The following AGBL2 variants were observed in gnomAD, a reference collection of about 807,000 sequenced individuals.
AGBL2 encodes AGBL carboxypeptidase 2, also known as cytosolic carboxypeptidase 2.
Under a neutral mutation model 103.0 loss-of-function variants are expected in AGBL2, and 87 were observed. The ratio of observed to expected loss-of-function variants is 0.84; its 90% confidence interval spans 0.71 to 1.01. The LOEUF is 1.01. AGBL2 is among the 50% of genes least tolerant of loss of function. The pLI, the probability that AGBL2 is intolerant of heterozygous loss-of-function variation, is 0.00. For synonymous variants in AGBL2, 335 were observed against 356.7 expected, an observed-to-expected ratio of 0.94 and a Z score of 0.69; for missense variants, 904 against 1,023.5, an observed-to-expected ratio of 0.88 and a Z score of 1.59.
At chr11:47,666,317 C>G (rs530271844) in intron 17 of AGBL2, among the ~76,000 whole-genome samples, 6 of 151,420 alleles carry the variant, frequency 4.0e-5, no homozygotes, top group Non-Finnish European at 8.8e-5. Context: ...TCACTTGAAC[C>G]CAAGAGGTGG....
chr11:47,679,579 A>G (rs1457244148), intron 13 of AGBL2, among the ~76,000 whole-genome samples: 1 of 152,068 alleles, frequency 6.6e-6, no homozygotes, highest in Non-Finnish European at 1.5e-5. Flanking sequence ...GAGGAAAATA[A>G]AGATTGCCTA....
chr11:47,706,523 A>T (rs2097520340), intron 4 of AGBL2, among the ~76,000 whole-genome samples: 1 of 152,014 alleles, frequency 6.6e-6, no homozygotes, highest in Non-Finnish European at 1.5e-5. Flanking sequence ...CTCAAAAAAA[A>T]AATAAATAAA....
chr11:47,677,406 GA>G lies in AGBL2; in HGVS notation c.2017-6del. 6.8e-7 allele frequency: 1 copy of G among 1,477,114 alleles called. No homozygotes were observed. Among genetic ancestry groups the G allele is most frequent in the Non-Finnish European group, 9.0e-7 (1 of 1,116,768 alleles). The allele number at this position is 1,477,114 out of a possible 1,614,324, so 91.5% of individuals were successfully genotyped here. On this transcript the variant is annotated splice_polypyrimidine_tract_variant and splice_region_variant and intron_variant, in intron 13 of 18. Coordinates refer to ENST00000525123, the MANE Select transcript of AGBL2 (RefSeq NM_024783.4). ...CTCTGCTAGACACTGAGTGAACTAT[GA>G]AAGTGAAAAAAAGAACTATTTTGTT...
intron 10 of AGBL2, among the ~76,000 whole-genome samples, chr11:47,689,624 T>C (rs2097437266): frequency 6.6e-6 from 1 of 152,130 alleles, no homozygotes; most frequent in Non-Finnish European, 1.5e-5. Flanking sequence ...AATTTCTGTA[T>C]CATACAACAT....
intron 12 of AGBL2, among the ~76,000 whole-genome samples, chr11:47,681,038 A>C (rs2097399352): frequency 6.6e-6 from 1 of 152,106 alleles, no homozygotes; most frequent in East Asian, 1.9e-4. Flanking sequence ...TTGCAGTAAA[A>C]GGAAAATGAG....
intron 7 of AGBL2, among the ~76,000 whole-genome samples, chr11:47,700,418 A>G (rs939954767): frequency 6.6e-6 from 1 of 151,874 alleles, no homozygotes; most frequent in African/African-American, 2.4e-5. Context: ...GCCTCTACTA[A>G]AAATACAAAA....
intron 12 of AGBL2, 62 bp downstream of exon 12, chr11:47,681,907 C>T: frequency 2.5e-6 from 4 of 1,583,508 alleles, no homozygotes; most frequent in Non-Finnish European, 3.4e-6. Context: ...ATTTTATCTC[C>T]CTGATGCTTT....
At chr11:47,678,338 A>ATTATTTTTTTT (rs1565026654) in intron 13 of AGBL2, among the ~76,000 whole-genome samples, 84 of 95,116 alleles carry the variant, frequency 8.8e-4, no homozygotes, top group East Asian at 1.3e-3. Context: ...TTATTTTATT[A>ATTATTTTTTTT]TTTTATTTTT....
intron 8 of AGBL2, among the ~76,000 whole-genome samples, chr11:47,698,966 CAAAAAAAA>C (rs5791781): frequency 3.7e-4 from 44 of 117,560 alleles, no homozygotes; most frequent in African/African-American, 1.4e-3. Flanking sequence ...GTAGGAATGG[CAAAAAAAA>C]AAAAAAAAAA....
At position 47,683,553 on chromosome 11, in the gene AGBL2, G is replaced by A. The variant is rs188041488; in HGVS notation, c.1789-1458C>T. On this transcript the variant is annotated intron_variant, in intron 11 of 18. Transcript: ENST00000525123. ...TGGGAGGCCGAGGTGGGTGGATCAT[G>A]AGGTCAGGAGATTGAGACCATCCTG... Among the ~76,000 whole-genome samples, 868 of 151,464 alleles carry A rather than the reference G, an allele frequency of 5.7e-3. 7 individuals carry two copies. Among genetic ancestry groups the A allele is most frequent in the Non-Finnish European group, 8.6e-3 (582 of 67,832 alleles).
chr11:47,661,161 T>C (rs1207483470), intron 18 of AGBL2, among the ~76,000 whole-genome samples: 6 of 151,576 alleles, frequency 4.0e-5, no homozygotes, highest in Admixed American at 4.0e-4. Context: ...AGACCCTGTC[T>C]CAAAAAAAAA....
intron 1 of AGBL2, 68 bp from the exon 2 acceptor site, chr11:47,714,818 T>C: frequency 1.5e-6 from 1 of 675,442 alleles, no homozygotes; most frequent in South Asian, 1.7e-5. Flanking sequence ...CAGCTCCCTC[T>C]TGACTTCAGA....
At position 47,682,001 on chromosome 11, in the gene AGBL2, G is replaced by A; in HGVS notation, c.1883C>T (p.Thr628Ile). ...GGACCCGCCAAAGGTAGACTCCATG[G>A]TGTAGCTGTTTAGGATTCCCATCCG... ...MWRMGILNSYTMESTFGGSTL... is the reference protein window; with the variant it reads ...MWRMGILNSYIMESTFGGSTL... The change falls in exon 12 of 19, where the codon ACC (threonine) becomes ATC (isoleucine). Residue 628 changes from threonine (T) to isoleucine (I), a missense_variant. By Grantham distance (89) the Thr-to-Ile change is moderately conservative. Coordinates refer to ENST00000525123, the MANE Select transcript of AGBL2 (RefSeq NM_024783.4). 1 of 1,614,118 alleles carries A rather than the reference G, an allele frequency of 6.2e-7. No homozygotes were observed. Among genetic ancestry groups the A allele is most frequent in the Non-Finnish European group, 8.5e-7 (1 of 1,180,022 alleles).
rs2153805198 is a variant in AGBL2, at chr11:47,704,873, G to C, written c.401-145C>G. 7.7e-6 allele frequency: 5 copies of C among 647,284 alleles called. No homozygotes were observed. The South Asian group carries it at 1.3e-4, about 17-fold the overall frequency. 40.1% of individuals were successfully genotyped at this position (647,284 alleles called of 1,614,324 possible). ...ATTCTCTGACATGTTTCTCCTTCAA[G>C]AAGATTTAGTCCAGAATAACAGGTT... is the stretch of plus-strand genomic sequence containing the variant. On this transcript the variant is annotated intron_variant, in intron 6 of 18. Transcript: ENST00000525123.
intron 17 of AGBL2, among the ~76,000 whole-genome samples, chr11:47,664,022 T>A (rs938280802): frequency 6.6e-6 from 1 of 151,280 alleles, no homozygotes; most frequent in Admixed American, 6.6e-5. Context: ...GCCTGGCTAA[T>A]TTTTATATTT....
chr11:47,680,327 G>A (rs904019125), intron 12 of AGBL2, among the ~76,000 whole-genome samples: 31 of 152,046 alleles, frequency 2.0e-4, no homozygotes, highest in African/African-American at 7.0e-4. Flanking sequence ...GGTGGTGGGC[G>A]CCTGTAGCCT....
intron 13 of AGBL2, among the ~76,000 whole-genome samples, chr11:47,679,486 T>C (rs930515096): frequency 6.6e-6 from 1 of 152,084 alleles, no homozygotes; most frequent in African/African-American, 2.4e-5. Flanking sequence ...TGGTGAATTA[T>C]GAGGTCTTAC....
At chr11:47,687,952 C>G (rs753932755) in intron 10 of AGBL2, among the ~76,000 whole-genome samples, 1 of 151,770 alleles carries the variant, frequency 6.6e-6, no homozygotes, top group Non-Finnish European at 1.5e-5. Context: ...GGATTACAGG[C>G]GTGCACCACC....
In AGBL2 at chr11:47,677,369, AAGC is replaced by A; in HGVS notation, c.2046_2048del (p.Glu682_Leu683delinsAsp). 4 of 1,609,664 alleles carry A rather than the reference AAGC, an allele frequency of 2.5e-6. No individual in the cohort carries two copies. The highest frequency in any genetic ancestry group is 3.4e-6 in the Non-Finnish European group (4 of 1,177,790). On this transcript the variant is annotated inframe_deletion, in exon 14 of 19. Coordinates refer to ENST00000525123, the MANE Select transcript of AGBL2 (RefSeq NM_024783.4). ...ATTTCTTGTGGATTTCCTGTCGTAAAAGCTCCTTAAGCTCTGCTAGACACTGAG... is the reference window on the plus strand; with the variant it reads ...ATTTCTTGTGGATTTCCTGTCGTAAATCCTTAAGCTCTGCTAGACACTGAG...
Sources: gnomAD v4.1 joint callset for allele counts (sites outside exome capture counted in the v4.1 genomes callset) on GRCh38, gnomAD v4.1.1 for gene constraint, MANE v1.5 for transcripts, NCBI Gene and HGNC (gene_info 2026-07-23, HGNC 2026-07-21) for gene names.